CTNNA1: variants seen among roughly 807,000 people sequenced by gnomAD.
CTNNA1 encodes catenin alpha 1.
CTNNA1 carries 37 observed loss-of-function variants against 98.4 expected under a neutral mutation model. The ratio of observed to expected loss-of-function variants is 0.38; its 90% CI spans 0.29 to 0.49. CTNNA1 has a LOEUF of 0.49. CTNNA1 is among the 20% of genes least tolerant of loss of function. CTNNA1 has a pLI of 0.95. For missense variants in CTNNA1, 761 were observed against 1,147.2 expected (o/e 0.66, Z 4.86); for synonymous variants, 404 against 413.2 (o/e 0.98, Z 0.27).
At chr5:138,878,228 T>G (rs939994370) in intron 7 of CTNNA1, among the ~76,000 whole-genome samples, 3 of 152,166 alleles carry the variant, frequency 2.0e-5, no homozygotes, top group African/African-American at 7.2e-5. Context: ...CTTTCTCACC[T>G]GCCCACTCTT....
chr5:138,883,799 A>C (rs547621385), intron 7 of CTNNA1, among the ~76,000 whole-genome samples: 1 of 152,236 alleles, frequency 6.6e-6, no homozygotes, highest in Non-Finnish European at 1.5e-5. Flanking sequence ...GTGCTTGAGT[A>C]TCTTAAGGAA....
intron 16 of CTNNA1, chr5:138,931,969 T>G (rs1765446843): frequency 1.0e-6 from 1 of 985,400 alleles, no homozygotes; most frequent in Non-Finnish European, 1.2e-6. Context: ...TCTAAAACTC[T>G]GAGATGTGGA....
chr5:138,910,883 TTTGAGATGGGAAACCA>T (rs1424881762), intron 10 of CTNNA1, among the ~76,000 whole-genome samples: 3 of 152,156 alleles, frequency 2.0e-5, no homozygotes, highest in African/African-American at 4.8e-5. Flanking sequence ...TGGCTTTTAA[TTTGAGATGGGAAACCA>T]TTGAAGGGTT....
intron 10 of CTNNA1, among the ~76,000 whole-genome samples, chr5:138,916,048 C>T (rs1761656760): frequency 6.6e-6 from 1 of 151,680 alleles, no homozygotes; most frequent in Admixed American, 6.6e-5. Context: ...GACTCAGTCT[C>T]AAAAAGAAAC....
Position 138,916,124 on chromosome 5 carries a change from T to C in CTNNA1, c.1390-1618T>C, listed in dbSNP as rs1580785103. Among the ~76,000 whole-genome samples the C allele has an allele frequency of 2.1e-5, 3 of 140,726 alleles. No homozygotes were observed. In the East Asian group the frequency reaches 5.9e-4, roughly 28 times the overall value. 92.3% of individuals were successfully genotyped at this position (140,726 alleles called of 152,430 possible). On this transcript the variant is annotated intron_variant, in intron 10 of 17. Coordinates refer to ENST00000302763, the MANE Select transcript of CTNNA1 (RefSeq NM_001903.5). ...CACATGTTACATGATTCCATTTATC[T>C]GAAATATCCAGAATAGACAAATCCA...
At position 138,840,488 on chromosome 5, in the gene CTNNA1, A is replaced by G. The variant is rs143794040; in HGVS notation, c.1062+12770A>G. Among the ~76,000 whole-genome samples, 11 of 152,338 alleles carry G rather than the reference A, an allele frequency of 7.2e-5. No individual in the cohort carries two copies. In the East Asian group the frequency reaches 2.1e-3, roughly 29 times the overall value. The stretch of plus-strand genomic sequence containing the variant: ...AATTGGTGTTTTTAGGGAAAAATAT[A>G]ATATAGTTTCTCCTTCAGTTATTCT... On this transcript the variant is annotated intron_variant, in intron 7 of 17. Transcript: ENST00000302763.
rs2150362929 is a variant in CTNNA1 at position 138,934,524 on chromosome 5, CT to C, written c.*437del. ...GACCTGTGGTAAGCAACCTGGGCAT[CT>C]TAGGAAGCAGTCCCTGGAGAAGGCA... On this transcript the variant is annotated 3_prime_UTR_variant, in exon 18 of 18. Coordinates refer to ENST00000302763, the MANE Select transcript of CTNNA1 (RefSeq NM_001903.5). 6.2e-6 allele frequency: 1 copy of C among 161,462 alleles called. No individual in the cohort carries two copies. Among genetic ancestry groups the C allele is most frequent in the African/African-American group, 2.4e-5 (1 of 41,590 alleles). The allele number at this position is 161,462 out of a possible 1,614,324, so 10.0% of individuals were successfully genotyped here.
intron 7 of CTNNA1, among the ~76,000 whole-genome samples, chr5:138,839,984 A>G (rs1343627531): frequency 6.6e-6 from 1 of 152,216 alleles, no homozygotes; most frequent in Admixed American, 6.5e-5. Context: ...TTAAAGCTTG[A>G]TCAAGTAATG....
intron 3 of CTNNA1, among the ~76,000 whole-genome samples, chr5:138,809,476 G>T (rs916981514): frequency 3.3e-5 from 5 of 152,242 alleles, no homozygotes; most frequent in African/African-American, 9.6e-5. Flanking sequence ...TACTTAACTA[G>T]ATGCTTATTG....
At chr5:138,894,248 T>G (rs534601390) in intron 9 of CTNNA1, among the ~76,000 whole-genome samples, 2 of 151,660 alleles carry the variant, frequency 1.3e-5, no homozygotes, top group East Asian at 3.9e-4. Flanking sequence ...TGCCTAAGAT[T>G]AGGCATAATA....
intron 10 of CTNNA1, among the ~76,000 whole-genome samples, chr5:138,915,547 A>G (rs1276538212): frequency 6.6e-6 from 1 of 152,254 alleles, no homozygotes; most frequent in Non-Finnish European, 1.5e-5. Context: ...CACAAAGTTT[A>G]CTATATTTCC....
At chr5:138,897,723 C>T (rs1454738197) in intron 9 of CTNNA1, among the ~76,000 whole-genome samples, 1 of 152,264 alleles carries the variant, frequency 6.6e-6, no homozygotes, top group East Asian at 1.9e-4. Context: ...TAAGTTCAGA[C>T]CCTTACTTTT....
At chr5:138,888,696 C>G (rs1433525455) in intron 9 of CTNNA1, among the ~76,000 whole-genome samples, 1 of 151,982 alleles carries the variant, frequency 6.6e-6, no homozygotes, top group Non-Finnish European at 1.5e-5. Context: ...TACAGGCACC[C>G]GCCACCATGC....
intron 7 of CTNNA1, among the ~76,000 whole-genome samples, chr5:138,852,351 C>T (rs6861556): frequency 0.74 from 112,372 of 151,580 alleles, 41,901 homozygotes; most frequent in East Asian, 0.99. Flanking sequence ...CGAGGTACTT[C>T]CTTTCACCTC....
At chr5:138,876,867 C>A (rs749618493) in intron 7 of CTNNA1, among the ~76,000 whole-genome samples, 16 of 152,140 alleles carry the variant, frequency 1.1e-4, no homozygotes, top group Non-Finnish European at 2.2e-4. Flanking sequence ...TGGTTTGAGT[C>A]CTCCTAGAAG....
At chr5:138,810,735 C>G (rs1758597950) in intron 4 of CTNNA1, among the ~76,000 whole-genome samples, 1 of 152,194 alleles carries the variant, frequency 6.6e-6, no homozygotes, top group African/African-American at 2.4e-5. Flanking sequence ...ATCTTTTCCC[C>G]ACCTTTCCCC....
chr5:138,798,939 ATATCT>A (rs1320469856), intron 3 of CTNNA1, among the ~76,000 whole-genome samples: 1 of 151,998 alleles, frequency 6.6e-6, no homozygotes, highest in East Asian at 1.9e-4. Flanking sequence ...AGCACTTTTG[ATATCT>A]TATAAATTTA....
At chr5:138,886,419 C>A in intron 8 of CTNNA1, 127 bp downstream of exon 8, 1 of 1,007,056 alleles carries the variant, frequency 9.9e-7, no homozygotes, top group Non-Finnish European at 1.4e-6. Flanking sequence ...CAAGAAAGTG[C>A]CTATCTTTGT....
At chr5:138,793,485 C>G (rs565417070) in intron 3 of CTNNA1, among the ~76,000 whole-genome samples, 1 of 152,222 alleles carries the variant, frequency 6.6e-6, no homozygotes, top group Admixed American at 6.5e-5. Flanking sequence ...AAAGTCTGTC[C>G]TGTTAAGCTC....
Sources: allele counts gnomAD v4.1 joint callset (sites outside exome capture counted in the v4.1 genomes callset), GRCh38; gene constraint gnomAD v4.1.1; transcripts MANE v1.5; gene names NCBI Gene and HGNC (gene_info 2026-07-23, HGNC 2026-07-21).